PDE4D: variants seen among roughly 807,000 people sequenced by gnomAD.
PDE4D encodes the protein phosphodiesterase 4D, also known as 3',5'-cyclic-AMP phosphodiesterase 4D.
PDE4D carries 24 observed loss-of-function variants against 87.4 expected under a neutral mutation model. The ratio of observed to expected loss-of-function variants is 0.27; its 90% CI spans 0.20 to 0.39. The LOEUF is 0.39. Ranked by LOEUF, PDE4D falls within the 10% of genes least tolerant of loss-of-function variation. The probability of loss-of-function intolerance (pLI) is 1.00; values close to 1 mark genes in which losing one functional copy is unlikely to be tolerated. For synonymous variants in PDE4D, 384 were observed against 383.2 expected (o/e 1.00, Z -0.02); for missense variants, 714 against 1,041.0 (o/e 0.69, Z 4.32).
intron 1 of PDE4D, among the ~76,000 whole-genome samples, chr5:59,653,536 TATAA>T (rs1743871591): frequency 6.6e-6 from 1 of 152,164 alleles, no homozygotes; most frequent in Non-Finnish European, 1.5e-5. Flanking sequence ...TGGGGTGTGG[TATAA>T]ATAAACAATA....
chr5:60,143,271 C>T (rs993047953), intron 2 of PDE4D, among the ~76,000 whole-genome samples: 1 of 152,186 alleles, frequency 6.6e-6, no homozygotes, highest in African/African-American at 2.4e-5. Context: ...ATTCTCCAGA[C>T]AGTTTATGTG....
intron 6 of PDE4D, among the ~76,000 whole-genome samples, chr5:59,034,201 G>A (rs1758090296): frequency 6.6e-6 from 1 of 152,114 alleles, no homozygotes; most frequent in African/African-American, 2.4e-5. Flanking sequence ...TTGAGTAGAT[G>A]AAAAAGCAGA....
chr5:59,790,583 C>T (rs928656191), intron 1 of PDE4D, among the ~76,000 whole-genome samples: 6 of 152,114 alleles, frequency 3.9e-5, no homozygotes, highest in African/African-American at 1.2e-4. Flanking sequence ...GACCTACGAC[C>T]AGCTAACTCA....
At chr5:59,804,627 T>C (rs1767537259) in intron 1 of PDE4D, among the ~76,000 whole-genome samples, 1 of 152,160 alleles carries the variant, frequency 6.6e-6, no homozygotes, top group African/African-American at 2.4e-5. Flanking sequence ...ATTCCACACT[T>C]GGATAAATCT....
At chr5:60,432,124 A>C (rs909338219) in intron 1 of PDE4D, among the ~76,000 whole-genome samples, 3 of 125,884 alleles carry the variant, frequency 2.4e-5, no homozygotes, top group African/African-American at 1.0e-4. Context: ...AGAGGGGATT[A>C]GTTTTTTTTA....
rs117082405 is a variant in PDE4D, at chr5:60,005,062, T to C, written c.43-16345A>G. ...GGTATGGAACCAACCTAAGTGTCCA[T>C]TGACAAATGAATTAATAGAGAAACT... On this transcript the variant is annotated intron_variant, in intron 2 of 16. Coordinates refer to the PDE4D transcript ENST00000502484. 1.3e-3 allele frequency among the ~76,000 whole-genome samples: 197 copies of C among 152,226 alleles called. 4 individuals are homozygous for C. The East Asian group carries it at 0.03, about 23-fold the overall frequency.
At chr5:59,694,286 T>C (rs1217104664) in intron 1 of PDE4D, among the ~76,000 whole-genome samples, 3 of 152,202 alleles carry the variant, frequency 2.0e-5, no homozygotes, top group Non-Finnish European at 4.4e-5. Flanking sequence ...ATCAGAAGAA[T>C]GAGTTATACA....
chr5:59,592,318 C>T (rs1479468629), intron 1 of PDE4D, among the ~76,000 whole-genome samples: 1 of 152,114 alleles, frequency 6.6e-6, no homozygotes, highest in African/African-American at 2.4e-5. Flanking sequence ...AACTGAAATA[C>T]GAGAAGCCTT....
chr5:59,410,521 G>T (rs1370929756), intron 1 of PDE4D, among the ~76,000 whole-genome samples: 3 of 152,104 alleles, frequency 2.0e-5, no homozygotes, highest in African/African-American at 4.8e-5. Flanking sequence ...TGCTAGGATT[G>T]CAGGCGTGAG....
At chr5:60,398,224 G>A (rs904527434) in intron 1 of PDE4D, among the ~76,000 whole-genome samples, 8 of 152,114 alleles carry the variant, frequency 5.3e-5, no homozygotes, top group African/African-American at 4.8e-5. Context: ...CACCATTATT[G>A]AAGAAGGCCA....
Position 59,899,096 on chromosome 5 carries a change from AT to A in PDE4D, c.272+89391del, listed in dbSNP as rs1751962566. On this transcript the variant is annotated intron_variant, in intron 3 of 16. Coordinates refer to the PDE4D transcript ENST00000502484. The stretch of plus-strand genomic sequence containing the variant: ...TGAACAATTAACATTTGATATTCTG[AT>A]TCTGGCAAACATTTTCCATACATTA... Among the ~76,000 whole-genome samples the A allele has an allele frequency of 5.3e-5, 8 of 152,200 alleles. No individual in the cohort carries two copies. The South Asian group carries it at 1.7e-3, about 32-fold the overall frequency.
chr5:59,849,767 G>A (rs1744402817), intron 1 of PDE4D, among the ~76,000 whole-genome samples: 1 of 151,890 alleles, frequency 6.6e-6, no homozygotes, highest in Non-Finnish European at 1.5e-5. Context: ...GCATAAAAAT[G>A]TTTTGAAACT....
intron 1 of PDE4D, among the ~76,000 whole-genome samples, chr5:59,307,039 C>T (rs1158286576): frequency 1.1e-5 from 1 of 88,792 alleles, no homozygotes; most frequent in Non-Finnish European, 2.0e-5. Flanking sequence ...AGAACAGAGC[C>T]CTCAGAAATA....
In PDE4D at chr5:59,267,003, ATTGT is replaced by A. The variant is rs1192118178; in HGVS notation, c.456-51039_456-51036del. Among the ~76,000 whole-genome samples the A allele has an allele frequency of 2.1e-5, 3 of 143,324 alleles. No homozygotes were observed. The East Asian group carries it at 5.9e-4, about 28-fold the overall frequency. The allele number at this position is 143,324 out of a possible 152,430, so 94.0% of individuals were successfully genotyped here. On this transcript the variant is annotated intron_variant, in intron 1 of 14. Transcript: ENST00000340635. ...TTCAACTGTATATAGTACTAAGTTC[ATTGT>A]CTGTCAAAGAGTAGATGCCCAATAC...
intron 1 of PDE4D, among the ~76,000 whole-genome samples, chr5:60,310,911 T>C (rs1754970738): frequency 6.6e-6 from 1 of 152,214 alleles, no homozygotes; most frequent in Non-Finnish European, 1.5e-5. Context: ...TGCTCTCCTG[T>C]GTTCCCACCA....
At chr5:59,816,105 G>A (rs979441223) in intron 1 of PDE4D, among the ~76,000 whole-genome samples, 2 of 152,198 alleles carry the variant, frequency 1.3e-5, no homozygotes, top group Non-Finnish European at 2.9e-5. Context: ...CATATATTGA[G>A]ATGAACTTTG....
chr5:59,311,463 T>C (rs1772586956), intron 1 of PDE4D, among the ~76,000 whole-genome samples: 2 of 119,506 alleles, frequency 1.7e-5, no homozygotes, highest in African/African-American at 3.3e-5. Flanking sequence ...ATTGCACCAC[T>C]GCACTCCAGC....
At chr5:59,681,583 T>G (rs561259604) in intron 1 of PDE4D, among the ~76,000 whole-genome samples, 2 of 152,170 alleles carry the variant, frequency 1.3e-5, no homozygotes, top group Admixed American at 1.3e-4. Flanking sequence ...TTATCTGTTA[T>G]CATAGGAGTA....
intron 3 of PDE4D, among the ~76,000 whole-genome samples, chr5:59,913,573 C>T (rs1412282918): frequency 6.6e-6 from 1 of 151,938 alleles, no homozygotes; most frequent in Non-Finnish European, 1.5e-5. Flanking sequence ...GGAAATAAGT[C>T]AGGTAATTAA....
Sources: allele counts gnomAD v4.1 joint callset (sites outside exome capture counted in the v4.1 genomes callset), GRCh38; gene constraint gnomAD v4.1.1; transcripts MANE v1.5; gene names NCBI Gene and HGNC (gene_info 2026-07-23, HGNC 2026-07-21).